The following DMD variants were observed in gnomAD, a reference collection of about 807,000 sequenced individuals.
DMD encodes the protein mutant dystrophin.
A neutral mutation model predicts 330.1 loss-of-function variants in DMD; 63 were observed. The ratio of observed to expected loss-of-function variants is 0.19; its 90% confidence interval spans 0.16 to 0.24. The LOEUF (loss-of-function observed/expected upper bound fraction) is 0.24. Ranked by LOEUF, DMD falls within the 10% of genes least tolerant of loss-of-function variation. The probability of loss-of-function intolerance (pLI) is 1.00; values close to 1 mark genes in which losing one functional copy is unlikely to be tolerated. For missense variants in DMD, 3,344 were observed against 2,684.1 expected (o/e 1.25, Z -5.43); for synonymous variants, 1,223 against 959.8 (o/e 1.27, Z -5.07).
intron 62 of DMD, among the ~76,000 whole-genome samples, chrX:31,270,253 A>T (rs1386955526): frequency 9.4e-6 from 1 of 106,519 alleles, no homozygotes; most frequent in African/African-American, 3.5e-5. Flanking sequence ...TACTCTCTTC[A>T]AGTGTTCCGT....
intron 17 of DMD, among the ~76,000 whole-genome samples, chrX:32,528,464 C>A: frequency 8.9e-6 from 1 of 111,768 alleles, no homozygotes; most frequent in Non-Finnish European, 1.9e-5. Flanking sequence ...AATTTAAAAG[C>A]TGTTATCAAA....
At chrX:31,293,204 AGTGTGTGTGTGTGTGTGT>A (rs559104990) in intron 62 of DMD, among the ~76,000 whole-genome samples, 5 of 58,480 alleles carry the variant, frequency 8.5e-5, no homozygotes, top group South Asian at 1.8e-3. Flanking sequence ...AGTCTGGTTT[AGTGTGTGTGTGTGTGTGT>A]GTGTGTGTGT....
chrX:31,943,457 T>A (rs1453307306), intron 45 of DMD, among the ~76,000 whole-genome samples: 2 of 112,107 alleles, frequency 1.8e-5, no homozygotes, highest in African/African-American at 6.5e-5. Flanking sequence ...TTAATTCTGT[T>A]TAAATTCACG....
chrX:31,679,076 G>GCGTGGTGGTACACCA (rs1335618707), intron 53 of DMD, among the ~76,000 whole-genome samples: 3 of 109,852 alleles, frequency 2.7e-5, no homozygotes, highest in African/African-American at 1.0e-4. Flanking sequence ...AATTAGCCAG[G>GCGTGGTGGTACACCA]CGTGGTGGTA....
At chrX:31,711,445 G>A (rs1167970094) in intron 52 of DMD, among the ~76,000 whole-genome samples, 1 of 111,567 alleles carries the variant, frequency 9.0e-6, no homozygotes, top group Non-Finnish European at 1.9e-5. Flanking sequence ...TTCCCAGTAT[G>A]CTCTACAAAT....
chrX:31,582,311 G>T (rs966920672), intron 55 of DMD, among the ~76,000 whole-genome samples: 1 of 111,207 alleles, frequency 9.0e-6, no homozygotes, highest in East Asian at 2.8e-4. Context: ...GTATTGGGAC[G>T]TAAGGTGGAT....
intron 52 of DMD, among the ~76,000 whole-genome samples, chrX:31,711,043 A>G (rs976580756): frequency 9.1e-6 from 1 of 110,476 alleles, no homozygotes; most frequent in Non-Finnish European, 1.9e-5. Context: ...TTGACTATTG[A>G]TAGGTCATAC....
At chrX:32,458,348 C>T (rs770896140) in intron 25 of DMD, among the ~76,000 whole-genome samples, 1 of 111,542 alleles carries the variant, frequency 9.0e-6, no homozygotes, top group Non-Finnish European at 1.9e-5. Context: ...TTTTTTAAAG[C>T]TACATAATAT....
chrX:31,286,967 G>T (rs192527558), intron 62 of DMD, among the ~76,000 whole-genome samples: 497 of 112,482 alleles, frequency 4.4e-3, no homozygotes, highest in Non-Finnish European at 7.4e-3. Context: ...GTTTCGCCAT[G>T]TTGGCCAGGC....
rs1442537650 is a variant in DMD at position 32,764,978 on chromosome X, GT to G, written c.649+44514del. On this transcript the variant is annotated intron_variant, in intron 7 of 78. Coordinates refer to ENST00000357033, the MANE Select transcript of DMD (RefSeq NM_004006.3). Reference sequence around the variant, plus strand: ...CTGGGTTTTTTTTTTTTTTTTTGGTGTTTTAAAATAATCATCATCCTAATGG... The same window carrying G: ...CTGGGTTTTTTTTTTTTTTTTTGGTGTTTAAAATAATCATCATCCTAATGG... Among the ~76,000 whole-genome samples, 451 of 92,812 alleles carry G rather than the reference GT, an allele frequency of 4.9e-3. 5 individuals are homozygous for G. The highest frequency in any genetic ancestry group is 0.017 in the African/African-American group (436 of 24,979). 80.6% of individuals were successfully genotyped at this position (92,812 alleles called of 115,157 possible).
In DMD at chrX:32,162,007, A is replaced by G. The variant is rs891879997; in HGVS notation, c.6438+54909T>C. ...ATGAGAGGCTTCAAAAAGAAAGAAA[A>G]CAATGTGGACACAGGGAAAAGGTGA... On this transcript the variant is annotated intron_variant, in intron 44 of 78. Coordinates refer to ENST00000357033, the MANE Select transcript of DMD (RefSeq NM_004006.3). Among the ~76,000 whole-genome samples the G allele has an allele frequency of 7.2e-5, 8 of 111,514 alleles. No individual in the cohort carries two copies. The Admixed American group carries it at 7.6e-4, about 11-fold the overall frequency.
intron 1 of DMD, among the ~76,000 whole-genome samples, chrX:33,253,298 A>T (rs1306115639): frequency 1.8e-5 from 2 of 111,755 alleles, no homozygotes; most frequent in Non-Finnish European, 3.8e-5. Context: ...TGGACCAAGA[A>T]TAATGAATGG....
chrX:32,797,510 C>T (rs2076261247), intron 7 of DMD, among the ~76,000 whole-genome samples: 1 of 112,445 alleles, frequency 8.9e-6, no homozygotes, highest in Non-Finnish European at 1.9e-5. Flanking sequence ...TGACAAGAAA[C>T]ACAGATATCA....
intron 44 of DMD, among the ~76,000 whole-genome samples, chrX:32,079,073 C>T (rs1367820323): frequency 8.9e-6 from 1 of 111,796 alleles, no homozygotes. Flanking sequence ...TTCTAACCAC[C>T]CCTTTGAGTT....
At chrX:32,750,214 G>C (rs1467138208) in intron 7 of DMD, among the ~76,000 whole-genome samples, 1 of 111,796 alleles carries the variant, frequency 8.9e-6, no homozygotes, top group African/African-American at 3.3e-5. Flanking sequence ...AACTAGCATA[G>C]CATTAGAGTT....
At chrX:32,266,183 A>T (rs764606787) in intron 43 of DMD, among the ~76,000 whole-genome samples, 2 of 111,439 alleles carry the variant, frequency 1.8e-5, no homozygotes, top group African/African-American at 6.5e-5. Flanking sequence ...GTGAGTTCTC[A>T]TGAGATCCAA....
chrX:31,628,915 C>CATATATATCTATATAT (rs2078988327), intron 54 of DMD, among the ~76,000 whole-genome samples: 1 of 82,784 alleles, frequency 1.2e-5, no homozygotes, highest in Non-Finnish European at 2.4e-5. Context: ...TATTTTTGAT[C>CATATATATCTATATAT]ATATATATAT....
intron 50 of DMD, among the ~76,000 whole-genome samples, chrX:31,787,617 T>A (rs190716525): frequency 2.3e-3 from 258 of 111,657 alleles, no homozygotes; most frequent in Admixed American, 4.3e-3. Context: ...CAAATTCAAC[T>A]GCTGAAGTCT....
intron 17 of DMD, among the ~76,000 whole-genome samples, chrX:32,520,809 TCAACAGCCTCAAATGAACCTAG>T (rs2046344350): frequency 9.1e-6 from 1 of 109,760 alleles, no homozygotes; most frequent in Non-Finnish European, 1.9e-5. Flanking sequence ...AAGGCAATAA[TCAACAGCCTCAAATGAACCTAG>T]CATCCTGCCA....
Sources: allele counts gnomAD v4.1 joint callset (sites outside exome capture counted in the v4.1 genomes callset), GRCh38; gene constraint gnomAD v4.1.1; transcripts MANE v1.5; gene names NCBI Gene and HGNC (gene_info 2026-07-23, HGNC 2026-07-21).